The following FLT3 variants were observed in gnomAD, a reference collection of about 807,000 sequenced individuals.
FLT3 encodes the protein fms related receptor tyrosine kinase 3, also known as receptor-type tyrosine-protein kinase FLT3.
In FLT3, 46 loss-of-function variants were observed where a neutral mutation model predicts 126.6. That is an observed-to-expected ratio of 0.36 (90% CI 0.29 to 0.46). The LOEUF (loss-of-function observed/expected upper bound fraction) is 0.46. FLT3 is among the 20% of genes least tolerant of loss of function. The pLI, the probability that FLT3 is intolerant of heterozygous loss-of-function variation, is 1.00. For missense variants in FLT3, 1,069 were observed against 1,190.3 expected (o/e 0.90, Z 1.50); for synonymous variants, 404 against 434.4 (o/e 0.93, Z 0.87).
At chr13:28,009,284 T>C (rs1258067268) in intron 23 of FLT3, 1 of 152,218 alleles carries the variant, frequency 6.6e-6, no homozygotes, top group Non-Finnish European at 1.5e-5. Flanking sequence ...ACCCATATCG[T>C]TCTTACATTT....
At chr13:28,049,816 T>C in intron 6 of FLT3, 42 bp from the exon 7 acceptor site, 1 of 1,591,754 alleles carries the variant, frequency 6.3e-7, no homozygotes. Flanking sequence ...AAAAAGTGAT[T>C]TTTGCCTCAT....
intron 1 of FLT3, among the ~76,000 whole-genome samples, chr13:28,082,971 G>C (rs771781289): frequency 2.0e-5 from 3 of 151,118 alleles, no homozygotes; most frequent in Non-Finnish European, 4.4e-5. Flanking sequence ...CTCCCAAAGT[G>C]CTGGGATTAC....
intron 1 of FLT3, among the ~76,000 whole-genome samples, chr13:28,084,929 C>T (rs1878558360): frequency 1.4e-5 from 2 of 145,496 alleles, no homozygotes; most frequent in Non-Finnish European, 1.5e-5. Context: ...GAGCCGAGAT[C>T]GCACCACTGC....
chr13:28,096,087 G>T (rs1292194397), intron 1 of FLT3, among the ~76,000 whole-genome samples: 1 of 152,098 alleles, frequency 6.6e-6, no homozygotes. Flanking sequence ...GGGCGCACTG[G>T]CTCACATGTG....
chr13:28,050,102 G>A lies in FLT3; in HGVS notation c.735C>T (p.Phe245=). The A allele has an allele frequency of 1.9e-6, 3 of 1,614,080 alleles. No homozygotes were observed. The highest frequency in any genetic ancestry group is 2.5e-6 in the Non-Finnish European group (3 of 1,179,958). ...NELGRECTRL[F]TIDLNQTPQT... Reference sequence around the variant, plus strand: ...ATGATATTATAGTGTTACCTATTGTGAACAGCCTGGTGCATTCCCTGCCCA... The same window carrying A: ...ATGATATTATAGTGTTACCTATTGTAAACAGCCTGGTGCATTCCCTGCCCA... The change falls in exon 6 of 24, where the codon TTC becomes TTT. Residue 245 remains phenylalanine (F), a synonymous_variant. Coordinates refer to ENST00000241453, the MANE Select transcript of FLT3 (RefSeq NM_004119.3).
chr13:28,019,451 T>TAC (rs1346173279), intron 19 of FLT3, among the ~76,000 whole-genome samples: 1 of 152,062 alleles, frequency 6.6e-6, no homozygotes, highest in African/African-American at 2.4e-5. Flanking sequence ...AAATGAACTT[T>TAC]ACAAAGGAAG....
chr13:28,070,433 T>C, intron 2 of FLT3, 58 bp downstream of exon 2: 1 of 1,490,230 alleles, frequency 6.7e-7, no homozygotes, highest in Non-Finnish European at 9.3e-7. Context: ...TTCAATAACT[T>C]ACAAATTACG....
At chr13:28,045,814 C>T (rs892960882) in intron 9 of FLT3, among the ~76,000 whole-genome samples, 1 of 148,598 alleles carries the variant, frequency 6.7e-6, no homozygotes, top group Non-Finnish European at 1.5e-5. Context: ...AAGATCGTGC[C>T]ACTGCACTTC....
chr13:28,076,049 G>A (rs1283384165), intron 1 of FLT3, among the ~76,000 whole-genome samples: 3 of 152,030 alleles, frequency 2.0e-5, no homozygotes, highest in Non-Finnish European at 2.9e-5. Context: ...TGTCCGCCTC[G>A]GCCTCCCAAA....
Position 28,018,542 on chromosome 13 carries a change from C to T in FLT3, c.2466G>A (p.Gly822=). The change falls in exon 20 of 24, where the codon GGG becomes GGA. Residue 822 remains glycine, a synonymous_variant. Coordinates refer to ENST00000241453, the MANE Select transcript of FLT3 (RefSeq NM_004119.3). ...LAARNVLVTH[G]KVVKICDFGL... The stretch of plus-strand genomic sequence containing the variant: ...CAAAGTCACATATCTTCACCACTTT[C>T]CCGTGGGTGACAAGCACGTTCCTGG... The T allele has an allele frequency of 4.3e-6, 7 of 1,614,178 alleles. No individual in the cohort carries two copies. The highest frequency in any genetic ancestry group is 5.9e-6 in the Non-Finnish European group (7 of 1,179,996).
At chr13:28,014,163 T>G (rs1871626887) in intron 23 of FLT3, among the ~76,000 whole-genome samples, 1 of 152,042 alleles carries the variant, frequency 6.6e-6, no homozygotes, top group African/African-American at 2.4e-5. Flanking sequence ...TCCTAGCTAC[T>G]TGGAAGGCCG....
intron 1 of FLT3, among the ~76,000 whole-genome samples, chr13:28,074,765 C>T (rs9513028): frequency 0.71 from 107,264 of 151,924 alleles, 39,790 homozygotes; most frequent in East Asian, 0.95. Flanking sequence ...CTTAGCTTCC[C>T]GAGTAGCTGG....
intron 23 of FLT3, among the ~76,000 whole-genome samples, chr13:28,005,829 T>C (rs539211750): frequency 5.9e-5 from 9 of 152,370 alleles, no homozygotes; most frequent in African/African-American, 2.2e-4. Flanking sequence ...CTCTTCTCTT[T>C]TGCTGAGCAA....
chr13:28,067,326 GT>G (rs1246558580), intron 2 of FLT3, among the ~76,000 whole-genome samples: 1 of 152,116 alleles, frequency 6.6e-6, no homozygotes, highest in Non-Finnish European at 1.5e-5. Flanking sequence ...CCCAGCCCCT[GT>G]AAAAAGTTTT....
chr13:28,094,656 C>T (rs574922233), intron 1 of FLT3, among the ~76,000 whole-genome samples: 3 of 152,092 alleles, frequency 2.0e-5, no homozygotes, highest in African/African-American at 4.8e-5. Context: ...TGTGCCTCTA[C>T]GCTCAGTTAA....
chr13:28,005,757 C>T (rs73436932), intron 23 of FLT3, among the ~76,000 whole-genome samples: 212 of 152,296 alleles, frequency 1.4e-3, no homozygotes, highest in African/African-American at 4.8e-3. Context: ...CTCCTATCAA[C>T]GGTGCCTGGA....
chr13:28,081,252 A>G (rs1333920145), intron 1 of FLT3, among the ~76,000 whole-genome samples: 1 of 151,806 alleles, frequency 6.6e-6, no homozygotes, highest in African/African-American at 2.4e-5. Context: ...GTTTTCTAAT[A>G]CATAAATATG....
At chr13:28,032,316 C>T (rs1249173764) in intron 15 of FLT3, among the ~76,000 whole-genome samples, 1 of 152,146 alleles carries the variant, frequency 6.6e-6, no homozygotes, top group Non-Finnish European at 1.5e-5. Context: ...GAGGACATCA[C>T]GGGTGTAGTG....
chr13:28,019,034 C>T (rs1423627719), intron 19 of FLT3, among the ~76,000 whole-genome samples: 1 of 147,448 alleles, frequency 6.8e-6, no homozygotes, highest in East Asian at 2.0e-4. Flanking sequence ...ATGGCGTGAT[C>T]TCGGCTCACT....
Sources: gnomAD v4.1 joint callset for allele counts (sites outside exome capture counted in the v4.1 genomes callset) on GRCh38, gnomAD v4.1.1 for gene constraint, MANE v1.5 for transcripts, NCBI Gene and HGNC (gene_info 2026-07-23, HGNC 2026-07-21) for gene names.